IRAG2: variants seen among roughly 807,000 people sequenced by gnomAD.
IRAG2 encodes lymphoid restricted membrane protein.
A neutral mutation model predicts 69.9 loss-of-function variants in IRAG2; 45 were observed. That is an observed-to-expected ratio of 0.64 (90% CI 0.51 to 0.83). IRAG2 has a LOEUF of 0.83. Ranked by LOEUF, IRAG2 falls within the 40% of genes least tolerant of loss-of-function variation. The probability of loss-of-function intolerance (pLI) is 0.00; values close to 1 mark genes in which losing one functional copy is unlikely to be tolerated. For missense variants in IRAG2, 520 were observed against 587.0 expected, an observed-to-expected ratio of 0.89 and a Z score of 1.18; for synonymous variants, 193 against 202.4, an observed-to-expected ratio of 0.95 and a Z score of 0.40.
chr12:25,061,449 C>G (rs1164084454), intron 1 of IRAG2, 143 bp from the exon 2 acceptor site: 1 of 391,930 alleles, frequency 2.6e-6, no homozygotes, highest in Non-Finnish European at 4.5e-6. Flanking sequence ...GGCTTCAGCC[C>G]AGGAGGCAGA....
upstream of IRAG2, among the ~76,000 whole-genome samples, chr12:25,000,089 G>A (rs116316998): frequency 4.8e-3 from 733 of 152,236 alleles, 6 homozygotes; most frequent in African/African-American, 0.017. Context: ...ATTTGCACAG[G>A]GCTTAGCACT....
chr12:25,006,956 A>C (rs1276020275), intron 2 of IRAG2, among the ~76,000 whole-genome samples: 7 of 152,236 alleles, frequency 4.6e-5, no homozygotes, highest in Non-Finnish European at 7.3e-5. Flanking sequence ...ACAAGCGAAA[A>C]GAAGGAAAAA....
intron 2 of IRAG2, among the ~76,000 whole-genome samples, chr12:25,009,805 G>GA (rs11340438): frequency 2.0e-5 from 3 of 149,836 alleles, no homozygotes; most frequent in African/African-American, 4.9e-5. Flanking sequence ...CTAGAAGCAG[G>GA]AAAAAAAAAA....
intron 21 of IRAG2, among the ~76,000 whole-genome samples, chr12:25,107,380 C>T (rs1565597618): frequency 6.6e-6 from 1 of 152,070 alleles, no homozygotes; most frequent in East Asian, 1.9e-4. Flanking sequence ...GGGTTTAGTA[C>T]TATTTTCAGC....
At chr12:25,104,241 G>A in intron 19 of IRAG2, 120 bp from the exon 20 acceptor site, 1 of 785,398 alleles carries the variant, frequency 1.3e-6, no homozygotes, top group Non-Finnish European at 2.0e-6. Context: ...ATCTGTGAAT[G>A]TGCCAAGAAA....
chr12:25,013,495 A>T (rs1944493852), intron 3 of IRAG2, among the ~76,000 whole-genome samples: 1 of 152,178 alleles, frequency 6.6e-6, no homozygotes, highest in African/African-American at 2.4e-5. Flanking sequence ...AAAACAAAAG[A>T]CAAAAGGCAG....
At chr12:25,095,136 C>A (rs1187234982) in intron 14 of IRAG2, among the ~76,000 whole-genome samples, 1 of 152,130 alleles carries the variant, frequency 6.6e-6, no homozygotes, top group Admixed American at 6.6e-5. Flanking sequence ...GAGTGGGCAT[C>A]TTTGCCTTGT....
Position 25,104,451 on chromosome 12 carries a change from A to C in IRAG2, c.1137A>C (p.Lys379Asn). 3 of 1,602,000 alleles carry C rather than the reference A, an allele frequency of 1.9e-6. No individual in the cohort carries two copies. The highest frequency in any genetic ancestry group is 2.6e-6 in the Non-Finnish European group (3 of 1,168,988). The change falls in exon 20 of 22, where the codon AAA (lysine) becomes AAC (asparagine). Residue 379 changes from lysine (K) to asparagine (N), a missense_variant. Lys to Asn is a moderately conservative substitution (Grantham distance 94, BLOSUM62 0). Transcript: ENST00000556887. ...TYSWADAEEE[K>N]CELKTKDDSE... is the part of the protein sequence containing the mutation. ...CCTGGGCAGATGCTGAAGAAGAAAA[A>C]TGTGAACTAAAGTAGGTGAAGCTCA... is the stretch of plus-strand genomic sequence containing the variant.
At chr12:25,079,515 A>G in intron 8 of IRAG2, 53 bp downstream of exon 8, 1 of 1,514,128 alleles carries the variant, frequency 6.6e-7, no homozygotes. Context: ...TACAGCTTTC[A>G]GCCTGATGTT....
chr12:25,021,682 A>T (rs547467616), intron 7 of IRAG2, among the ~76,000 whole-genome samples: 1 of 152,364 alleles, frequency 6.6e-6, no homozygotes, highest in East Asian at 1.9e-4. Context: ...CTCTAGTATC[A>T]TTAACTATGG....
chr12:25,089,677 A>G lies in IRAG2; in HGVS notation c.437A>G (p.Asn146Ser), dbSNP rs1428317374. 2 of 1,608,634 alleles carry G rather than the reference A, an allele frequency of 1.2e-6. No individual in the cohort carries two copies. The highest frequency in any genetic ancestry group is 1.7e-6 in the Non-Finnish European group (2 of 1,175,250). Residue 146 changes from asparagine (N) to serine (S), a missense_variant and splice_region_variant, in exon 12 of 22, where the codon AAC becomes AGC. Physicochemically the swap from Asn to Ser is conservative, Grantham distance 46 (BLOSUM62 1). Coordinates refer to ENST00000556887, the MANE Select transcript of IRAG2 (RefSeq NM_001366544.2). ...TCGGTTAACCTTAGACAAAGTGAGAAGTAAGTGCTTCTTCATGTAGCATGT... is the reference window on the plus strand; with the variant it reads ...TCGGTTAACCTTAGACAAAGTGAGAGGTAAGTGCTTCTTCATGTAGCATGT... ...VKSVNLRQSE[N>S]TSANEKEVEA...
At chr12:25,085,287 AGGT>A (rs1947497181) in intron 10 of IRAG2, among the ~76,000 whole-genome samples, 1 of 152,188 alleles carries the variant, frequency 6.6e-6, no homozygotes, top group South Asian at 2.1e-4. Flanking sequence ...TGAGTGGTGG[AGGT>A]GGCTCTCAGT....
At chr12:25,104,535 A>G in intron 20 of IRAG2, 73 bp downstream of exon 20, 2 of 838,060 alleles carry the variant, frequency 2.4e-6, no homozygotes, top group Non-Finnish European at 4.2e-6. Flanking sequence ...CTTTTATTCC[A>G]TGGAGATGAA....
Position 25,106,981 on chromosome 12 carries a change from T to G in IRAG2, c.1187T>G (p.Val396Gly). The G allele has an allele frequency of 6.2e-7, 1 of 1,607,770 alleles. No individual in the cohort carries two copies. The highest frequency in any genetic ancestry group is 8.5e-7 in the Non-Finnish European group (1 of 1,176,170). ...DDSEPSGEET[V>G]ERTRKPSLSE... ...TCAGAGCCATCTGGAGAAGAAACAGTAGAAAGGACAAGGAAGCCAAGTCTT... is the reference window on the plus strand; with the variant it reads ...TCAGAGCCATCTGGAGAAGAAACAGGAGAAAGGACAAGGAAGCCAAGTCTT... Residue 396 changes from valine to glycine, a missense_variant, in exon 21 of 22, where the codon GTA becomes GGA. Val to Gly is a moderately radical substitution (Grantham distance 109, BLOSUM62 -3). Coordinates refer to ENST00000556887, the MANE Select transcript of IRAG2 (RefSeq NM_001366544.2).
intron 6 of IRAG2, among the ~76,000 whole-genome samples, chr12:25,017,588 C>T (rs925404546): frequency 6.6e-6 from 1 of 151,922 alleles, no homozygotes; most frequent in Non-Finnish European, 1.5e-5. Flanking sequence ...CATGGTGGCA[C>T]GAGCCTGTAA....
At chr12:25,052,489 G>C, upstream of IRAG2, 4 of 396,658 alleles carry the variant, frequency 1.0e-5, no homozygotes, top group Non-Finnish European at 1.8e-5. Flanking sequence ...AGTCCCTAGC[G>C]ACTAACAGTG....
rs181597536 is a variant in IRAG2 at position 25,042,342 on chromosome 12, G to A, written c.2144+4205G>A. Among the ~76,000 whole-genome samples the A allele has an allele frequency of 3.0e-4, 45 of 152,296 alleles. 2 individuals carry two copies. The highest frequency in any genetic ancestry group is 9.6e-4 in the African/African-American group (40 of 41,556). ...TTTATCATTCGAACATGTTGGCAGG[G>A]AGAATTGTTGGATTTAAACACAAAC... is the stretch of plus-strand genomic sequence containing the variant. On this transcript the variant is annotated intron_variant, in intron 16 of 38. Coordinates refer to the IRAG2 transcript ENST00000636465.
chr12:25,087,277 C>T (rs914551940), intron 10 of IRAG2, among the ~76,000 whole-genome samples: 2 of 145,652 alleles, frequency 1.4e-5, no homozygotes, highest in Non-Finnish European at 3.0e-5. Context: ...AAGTGATTCT[C>T]CTGCCTCAGC....
At chr12:25,013,659 T>C (rs1944495077) in intron 3 of IRAG2, among the ~76,000 whole-genome samples, 1 of 152,128 alleles carries the variant, frequency 6.6e-6, no homozygotes, top group Admixed American at 6.5e-5. Context: ...AGTGCTTCCA[T>C]ACACTAAAAT....
Sources: allele counts gnomAD v4.1 joint callset (sites outside exome capture counted in the v4.1 genomes callset), GRCh38; gene constraint gnomAD v4.1.1; transcripts MANE v1.5; gene names NCBI Gene and HGNC (gene_info 2026-07-23, HGNC 2026-07-21).